Variants in EXOC8 observed in about 807,000 individuals in gnomAD.
EXOC8 encodes exocyst complex component 8.
Under a neutral mutation model 50.8 loss-of-function variants are expected in EXOC8, and 19 were observed. The ratio of observed to expected loss-of-function variants is 0.37; its 90% CI spans 0.26 to 0.55. The LOEUF is 0.55. Ranked by LOEUF, EXOC8 falls within the 20% of genes least tolerant of loss-of-function variation. The pLI, the probability that EXOC8 is intolerant of heterozygous loss-of-function variation, is 0.80. For missense variants in EXOC8, 781 were observed against 915.8 expected, an observed-to-expected ratio of 0.85 and a Z score of 1.90; for synonymous variants, 384 against 367.9, an observed-to-expected ratio of 1.04 and a Z score of -0.50.
In EXOC8 at chr1:231,333,466, A is replaced by G. The variant is rs1006836494; in HGVS notation, c.*2102T>C. 6.6e-6 allele frequency: 1 copy of G among 152,654 alleles called. No individual in the cohort carries two copies. The highest frequency in any genetic ancestry group is 6.5e-5 in the Admixed American group (1 of 15,280). The allele number at this position is 152,654 out of a possible 1,614,324, so 9.5% of individuals were successfully genotyped here. ...TTAAATATCTAACTATACACATTCAAGTTTTTACAACTTCATGCCTTATGA... is the reference window on the plus strand; with the variant it reads ...TTAAATATCTAACTATACACATTCAGGTTTTTACAACTTCATGCCTTATGA... On this transcript the variant is annotated 3_prime_UTR_variant, in exon 1 of 1. Transcript: ENST00000366645.
Position 231,332,823 on chromosome 1 carries a change from A to C in EXOC8, c.*2745T>G, listed in dbSNP as rs970846888. On this transcript the variant is annotated 3_prime_UTR_variant, in exon 1 of 1. Transcript: ENST00000366645. The stretch of plus-strand genomic sequence containing the variant: ...AGATTCCCTCATATCACAGCACATC[A>C]ATAAGCAGTATGTACATAGACTGAC... The C allele has an allele frequency of 6.6e-6, 1 of 152,242 alleles. No homozygotes were observed. Among genetic ancestry groups the C allele is most frequent in the African/African-American group, 2.4e-5 (1 of 41,462 alleles). The allele number at this position is 152,242 out of a possible 1,614,324, so 9.4% of individuals were successfully genotyped here.
In EXOC8 at chr1:231,336,488, G is replaced by C; in HGVS notation, c.1258C>G (p.Arg420Gly). The C allele has an allele frequency of 1.2e-6, 2 of 1,613,626 alleles. No individual in the cohort carries two copies. The highest frequency in any genetic ancestry group is 1.7e-6 in the Non-Finnish European group (2 of 1,179,740). The part of the protein sequence containing the change: ...ATRRAVSQLI[R>G]LGQCTKACEL... The stretch of plus-strand genomic sequence containing the variant: ...CAGGCCTTCGTGCACTGGCCCAGCC[G>C]GATCAGTTGCGAAACTGCTCTGCGA... The change falls in exon 1 of 1, where the codon CGG becomes GGG. Residue 420 changes from arginine (R) to glycine (G), a missense_variant. Physicochemically the swap from Arg to Gly is moderately radical, Grantham distance 125. Around this residue, in one of 3 missense-constraint regions of EXOC8, gnomAD observed 700 missense variants for 804.1 expected, o/e 0.87. Transcript: ENST00000366645. The surrounding 1 kb of genome is among the most constrained non-coding windows in gnomAD (Gnocchi z 5.4).
Position 231,337,635 on chromosome 1 carries a change from C to A in EXOC8, c.111G>T (p.Gly37=). 1.2e-6 allele frequency: 2 copies of A among 1,610,968 alleles called. No individual in the cohort carries two copies. Among genetic ancestry groups the A allele is most frequent in the Middle Eastern group, 1.6e-4 (1 of 6,062 alleles). ...GCCGGTGCTCCTGGAGGTCCCGGTCCCCATCCGACTGCTGCGAGAGCTGCT... is the reference window on the plus strand; with the variant it reads ...GCCGGTGCTCCTGGAGGTCCCGGTCACCATCCGACTGCTGCGAGAGCTGCT... The part of the protein sequence containing the change: ...YVKQLSQQSD[G]DRDLQEHRQR... The change falls in exon 1 of 1, where the codon GGG becomes GGT. Residue 37 remains glycine (G), a synonymous_variant. Coordinates refer to ENST00000366645, the MANE Select transcript of EXOC8 (RefSeq NM_175876.5). The surrounding 1 kb of genome is among the most constrained non-coding windows in gnomAD (Gnocchi z 5.9).
Position 231,337,282 on chromosome 1 carries a change from T to C in EXOC8, c.464A>G (p.Glu155Gly), listed in dbSNP as rs1686702089. The C allele has an allele frequency of 6.2e-7, 1 of 1,606,580 alleles. No individual in the cohort carries two copies. The highest frequency in any genetic ancestry group is 1.3e-5 in the African/African-American group (1 of 75,014). Residue 155 changes from glutamate to glycine, a missense_variant, in exon 1 of 1, where the codon GAG becomes GGG. This residue lies in a region of EXOC8 where 700 missense variants were observed against 804.1 expected (regional missense o/e 0.87). Transcript: ENST00000366645. The surrounding 1 kb of genome is among the most constrained non-coding windows in gnomAD (Gnocchi z 5.9). ...GASRDGSGPGEEGKQRTLTTL... is the reference protein window; with the variant it reads ...GASRDGSGPGGEGKQRTLTTL... ...GGTGAGAGTGCGCTGCTTTCCTTCC[T>C]CGCCTGGACCGGAGCCGTCGCGGGA...
rs769095069 is a variant in EXOC8 at position 231,336,567 on chromosome 1, C to T, written c.1179G>A (p.Val393=). The change falls in exon 1 of 1, where the codon GTG becomes GTA. Residue 393 remains valine (V), a synonymous_variant. Transcript: ENST00000366645. This position sits in a 1 kb window ranked among gnomAD's most constrained non-coding sequence, Gnocchi z 5.4. ...GATCTGGGGAGAGTTCGAAAACTAGCACCTCAGTGAGCTGTCGAACTCGCT... is the reference window on the plus strand; with the variant it reads ...GATCTGGGGAGAGTTCGAAAACTAGTACCTCAGTGAGCTGTCGAACTCGCT... ...VEERVRQLTE[V]LVFELSPDRS... 19 of 1,614,154 alleles carry T rather than the reference C, an allele frequency of 1.2e-5. No individual in the cohort carries two copies. The South Asian group carries it at 2.1e-4, about 18-fold the overall frequency.
Position 231,337,386 on chromosome 1 carries a change from C to A in EXOC8, c.360G>T (p.Gly120=). The change falls in exon 1 of 1, where the codon GGG becomes GGT. Residue 120 remains glycine (G), a synonymous_variant. Transcript: ENST00000366645. This position sits in a 1 kb window ranked among gnomAD's most constrained non-coding sequence, Gnocchi z 5.9. ...CCCCCGCCCCACCGACTCCCTCCTC[C>A]CCTCCAGAGGCGGCGGCGGCTCCGG... ...AAAGAAAASG[G]EEGVGGAGGR... 1 of 1,604,232 alleles carries A rather than the reference C, an allele frequency of 6.2e-7. No individual in the cohort carries two copies. Among genetic ancestry groups the A allele is most frequent in the East Asian group, 2.2e-5 (1 of 44,862 alleles).
rs148264842 is a variant in EXOC8 at position 231,337,089 on chromosome 1, A to C, written c.657T>G (p.Pro219=). The change falls in exon 1 of 1, where the codon CCT becomes CCG. Residue 219 remains proline (P), a synonymous_variant. Transcript: ENST00000366645. This position sits in a 1 kb window ranked among gnomAD's most constrained non-coding sequence, Gnocchi z 5.9. ...NDCLLVATWL[P]QRRGMYRYNA... is the part of the protein sequence containing the mutation. ...TGTAGCGATACATCCCACGCCGCTGAGGCAGCCAGGTAGCCACCAACAAGC... is the reference window on the plus strand; with the variant it reads ...TGTAGCGATACATCCCACGCCGCTGCGGCAGCCAGGTAGCCACCAACAAGC... 8,177 of 1,614,094 alleles carry C rather than the reference A, an allele frequency of 5.1e-3. 38 individuals carry two copies. Among genetic ancestry groups the C allele is most frequent in the Non-Finnish European group, 6.2e-3 (7,304 of 1,180,040 alleles).
chr1:231,337,011 C>T lies in EXOC8; in HGVS notation c.735G>A (p.Pro245=). The T allele has an allele frequency of 6.2e-7, 1 of 1,614,066 alleles. No individual in the cohort carries two copies. Residue 245 remains proline, a synonymous_variant, in exon 1 of 1, where the codon CCG becomes CCA. Transcript: ENST00000366645. The surrounding 1 kb of genome is among the most constrained non-coding windows in gnomAD (Gnocchi z 5.9). The part of the protein sequence containing the change: ...GLAVVNVKDN[P]PMKDMFKLLM... ...GCAGCTTGAACATGTCCTTCATGGG[C>T]GGGTTGTCCTTGACATTGACTACGG...
Position 231,335,943 on chromosome 1 carries a change from A to G in EXOC8, c.1803T>C (p.Phe601=). The part of the protein sequence containing the change: ...EEMKSCGVSN[F]EQYTGDDCWV... ...AGCAGTCATCCCCTGTGTACTGCTC[A>G]AAGTTACTTACCCCACAACTTTTCA... The change falls in exon 1 of 1, where the codon TTT becomes TTC. Residue 601 remains phenylalanine, a synonymous_variant. Transcript: ENST00000366645. 6.2e-7 allele frequency: 1 copy of G among 1,614,166 alleles called. No individual in the cohort carries two copies. The highest frequency in any genetic ancestry group is 8.5e-7 in the Non-Finnish European group (1 of 1,180,012).
chr1:231,336,308 C>T lies in EXOC8; in HGVS notation c.1438G>A (p.Gly480Ser). 4 of 1,614,072 alleles carry T rather than the reference C, an allele frequency of 2.5e-6. No individual in the cohort carries two copies. Among genetic ancestry groups the T allele is most frequent in the South Asian group, 2.2e-5 (2 of 91,082 alleles). ...GCAGAGTAGCAGCCGCTGTCAGTGC[C>T]TGCAAAATCGATCTCAAATTCTCTT... Reference protein sequence around the residue: ...TAREFEIDFAGTDSGCYSAFV... With the variant: ...TAREFEIDFASTDSGCYSAFV... Residue 480 changes from glycine to serine, a missense_variant, in exon 1 of 1, where the codon GGC becomes AGC. Gly to Ser is a moderately conservative substitution (Grantham distance 56). Around this residue, in one of 3 missense-constraint regions of EXOC8, gnomAD observed 700 missense variants for 804.1 expected, o/e 0.87. Transcript: ENST00000366645. This position sits in a 1 kb window ranked among gnomAD's most constrained non-coding sequence, Gnocchi z 5.4.
In EXOC8 at chr1:231,337,512, G is replaced by A. The variant is rs1359130552; in HGVS notation, c.234C>T (p.Ser78=). The A allele has an allele frequency of 3.7e-6, 6 of 1,613,528 alleles. No homozygotes were observed. The East Asian group carries it at 8.9e-5, about 24-fold the overall frequency. ...GCTGGTACATCTCGCTCTCCAGGTAGGAGATCTCGCGGGCCGTCTCTATGA... is the reference window on the plus strand; with the variant it reads ...GCTGGTACATCTCGCTCTCCAGGTAAGAGATCTCGCGGGCCGTCTCTATGA... The part of the protein sequence containing the change: ...RQFIETAREI[S]YLESEMYQLS... The change falls in exon 1 of 1, where the codon TCC becomes TCT. Residue 78 remains serine (S), a synonymous_variant. Coordinates refer to ENST00000366645, the MANE Select transcript of EXOC8 (RefSeq NM_175876.5). The surrounding 1 kb of genome is among the most constrained non-coding windows in gnomAD (Gnocchi z 5.9).
In EXOC8 at chr1:231,336,213, A is replaced by G; in HGVS notation, c.1533T>C (p.Ser511=). 1 of 1,614,010 alleles carries G rather than the reference A, an allele frequency of 6.2e-7. No individual in the cohort carries two copies. Among genetic ancestry groups the G allele is most frequent in the South Asian group, 1.1e-5 (1 of 91,084 alleles). Residue 511 remains serine (S), a synonymous_variant, in exon 1 of 1, where the codon AGT becomes AGC. Transcript: ENST00000366645. The surrounding 1 kb of genome is among the most constrained non-coding windows in gnomAD (Gnocchi z 5.4). ...VDAFSKQVFD[S]KESLSTAAEC... ...CAGCTGCTGTAGAGAGGCTCTCCTT[A>G]CTATCAAACACCTGCTTGCTAAAAG...
In EXOC8 at chr1:231,334,410, G is replaced by A. The variant is rs1426527183; in HGVS notation, c.*1158C>T. ...AAAACTTTTTTTCCATTTGCATGAA[G>A]TCTGGGTCACTATATCTCCTACCCT... On this transcript the variant is annotated 3_prime_UTR_variant, in exon 1 of 1. Transcript: ENST00000366645. 2 of 152,174 alleles carry A rather than the reference G, an allele frequency of 1.3e-5. No homozygotes were observed. Among genetic ancestry groups the A allele is most frequent in the Non-Finnish European group, 2.9e-5 (2 of 68,026 alleles). 9.4% of individuals were successfully genotyped at this position (152,174 alleles called of 1,614,324 possible).
In EXOC8 at chr1:231,333,594, C is replaced by T. The variant is rs2102853161; in HGVS notation, c.*1974G>A. 1 of 152,652 alleles carries T rather than the reference C, an allele frequency of 6.6e-6. No homozygotes were observed. Among genetic ancestry groups the T allele is most frequent in the Non-Finnish European group, 1.5e-5 (1 of 67,992 alleles). The allele number at this position is 152,652 out of a possible 1,614,324, so 9.5% of individuals were successfully genotyped here. On this transcript the variant is annotated 3_prime_UTR_variant, in exon 1 of 1. Transcript: ENST00000366645. ...GAAACTGTAAATGGCACAGAATAAT[C>T]ATAATTATCACAAAATTTTATCAAT...
Position 231,335,471 on chromosome 1 carries a change from TTTGAAACTATA to T in EXOC8, c.*86_*96del. Reference sequence around the variant, plus strand: ...GGGCACTTTTAATTTTCAAGTTGTGTTTGAAACTATAGAGTATGCTAATACAACTTAATATA... The same window carrying T: ...GGGCACTTTTAATTTTCAAGTTGTGTGAGTATGCTAATACAACTTAATATA... On this transcript the variant is annotated 3_prime_UTR_variant, in exon 1 of 1. Transcript: ENST00000366645. The T allele has an allele frequency of 8.8e-7, 1 of 1,139,364 alleles. No homozygotes were observed. The highest frequency in any genetic ancestry group is 1.1e-6 in the Non-Finnish European group (1 of 880,326). 70.6% of individuals were successfully genotyped at this position (1,139,364 alleles called of 1,614,324 possible).
rs1190178769 is a variant in EXOC8 at position 231,337,798 on chromosome 1, G to C, written c.-53C>G. On this transcript the variant is annotated 5_prime_UTR_variant, in exon 1 of 1. Coordinates refer to ENST00000366645, the MANE Select transcript of EXOC8 (RefSeq NM_175876.5). The surrounding 1 kb of genome is among the most constrained non-coding windows in gnomAD (Gnocchi z 5.9). ...TCACTATCGGCGCCGCAGCCGCCGCGGCTGTCTAGACCCACCCAAGGCCAA... is the reference window on the plus strand; with the variant it reads ...TCACTATCGGCGCCGCAGCCGCCGCCGCTGTCTAGACCCACCCAAGGCCAA... 3.2e-6 allele frequency: 5 copies of C among 1,539,840 alleles called. No individual in the cohort carries two copies. The highest frequency in any genetic ancestry group is 4.4e-6 in the Non-Finnish European group (5 of 1,145,540).
In EXOC8 at chr1:231,337,015, T is replaced by G; in HGVS notation, c.731A>C (p.Asn244Thr). The change falls in exon 1 of 1, where the codon AAC (asparagine) becomes ACC (threonine). Residue 244 changes from asparagine to threonine, a missense_variant. Around this residue, in one of 3 missense-constraint regions of EXOC8, gnomAD observed 700 missense variants for 804.1 expected, o/e 0.87. Transcript: ENST00000366645. The surrounding 1 kb of genome is among the most constrained non-coding windows in gnomAD (Gnocchi z 5.9). ...DGLAVVNVKD[N>T]PPMKDMFKLL... ...CTTGAACATGTCCTTCATGGGCGGG[T>G]TGTCCTTGACATTGACTACGGCCAA... 3 of 1,613,894 alleles carry G rather than the reference T, an allele frequency of 1.9e-6. No homozygotes were observed. The highest frequency in any genetic ancestry group is 2.5e-6 in the Non-Finnish European group (3 of 1,179,998).
chr1:231,335,835 T>C lies in EXOC8; in HGVS notation c.1911A>G (p.Pro637=), dbSNP rs756798714. The change falls in exon 1 of 1, where the codon CCA becomes CCG. Residue 637 remains proline (P), a synonymous_variant. Coordinates refer to ENST00000366645, the MANE Select transcript of EXOC8 (RefSeq NM_175876.5). The part of the protein sequence containing the change: ...FLEEALKLYF[P]ELHMVLLESL... ...TCTCCAAAAGTACCATGTGCAGCTC[T>C]GGGAAATACAGCTTCAGGGCCTCTT... The C allele has an allele frequency of 6.2e-7, 1 of 1,614,180 alleles. No homozygotes were observed. The highest frequency in any genetic ancestry group is 8.5e-7 in the Non-Finnish European group (1 of 1,180,026).
Position 231,335,790 on chromosome 1 carries a change from C to T in EXOC8, c.1956G>A (p.Leu652=), listed in dbSNP as rs201460201. Residue 652 remains leucine (L), a synonymous_variant, in exon 1 of 1, where the codon TTG becomes TTA. Coordinates refer to ENST00000366645, the MANE Select transcript of EXOC8 (RefSeq NM_175876.5). ...TATAATCCACATGCTGAACAGCAAC[C>T]AAAATGATTTCCACCAGGCTCTCCA... ...VLLESLVEII[L]VAVQHVDYSL... 4 of 1,614,162 alleles carry T rather than the reference C, an allele frequency of 2.5e-6. No individual in the cohort carries two copies. Among genetic ancestry groups the T allele is most frequent in the Non-Finnish European group, 2.5e-6 (3 of 1,180,034 alleles).
Sources: allele counts gnomAD v4.1 joint callset, GRCh38; gene constraint gnomAD v4.1.1; regional missense constraint gnomAD v4.1.1; non-coding constraint Gnocchi (gnomAD v3.1); transcripts MANE v1.5; gene names NCBI Gene and HGNC (gene_info 2026-07-23, HGNC 2026-07-21).